PCDHGB4: variants seen among roughly 807,000 people sequenced by gnomAD.
The protein encoded by PCDHGB4 is protocadherin gamma-B4.
Under a neutral mutation model 60.5 loss-of-function variants are expected in PCDHGB4, and 38 were observed. That is an observed-to-expected ratio of 0.63 (90% confidence interval 0.48 to 0.82). The LOEUF is 0.82. PCDHGB4 is among the 40% of genes least tolerant of loss of function. The pLI, the probability that PCDHGB4 is intolerant of heterozygous loss-of-function variation, is 0.00. For synonymous variants in PCDHGB4, 456 were observed against 509.7 expected, an observed-to-expected ratio of 0.89 and a Z score of 1.42; for missense variants, 1,109 against 1,209.6, an observed-to-expected ratio of 0.92 and a Z score of 1.23.
At chr5:141,405,004 G>A in intron 1 of PCDHGB4, 1 of 1,613,960 alleles carries the variant, frequency 6.2e-7, no homozygotes, top group South Asian at 1.1e-5. Flanking sequence ...CTGCAGACCT[G>A]GAGGCCTCAG....
chr5:141,465,800 C>G (rs1486100601), intron 1 of PCDHGB4, among the ~76,000 whole-genome samples: 2 of 151,524 alleles, frequency 1.3e-5, no homozygotes, highest in East Asian at 3.9e-4. Flanking sequence ...TTTAAGAAAC[C>G]CTTCAGGATC....
intron 2 of PCDHGB4, among the ~76,000 whole-genome samples, chr5:141,503,570 G>T (rs996006002): frequency 3.4e-4 from 50 of 147,216 alleles, no homozygotes; most frequent in African/African-American, 1.2e-3. Context: ...CTGTACTCCA[G>T]CCTGGGTGAC....
intron 1 of PCDHGB4, among the ~76,000 whole-genome samples, chr5:141,452,054 C>A (rs578157525): frequency 6.4e-4 from 97 of 152,196 alleles, no homozygotes; most frequent in African/African-American, 2.2e-3. Flanking sequence ...TTTGTAATAA[C>A]TTATTCTACT....
chr5:141,405,177 G>A, intron 1 of PCDHGB4: 3 of 1,614,140 alleles, frequency 1.9e-6, no homozygotes, highest in African/African-American at 1.3e-5. Flanking sequence ...CACTTTGTGG[G>A]TGTAGATGGG....
In PCDHGB4 at chr5:141,415,309, G is replaced by C. The variant is rs199689792; in HGVS notation, c.2397+25028G>C. 3.4e-5 allele frequency: 55 copies of C among 1,614,098 alleles called. No homozygotes were observed. Among genetic ancestry groups the C allele is most frequent in the Middle Eastern group, 1.6e-4 (1 of 6,084 alleles). On this transcript the variant is annotated intron_variant, in intron 1 of 3. Transcript: ENST00000519479. ...GGTCTCCTGCGTCTTCCTGGCCTTC[G>C]TCATCGTGCTGCTGGCGCACAGGCT...
intron 1 of PCDHGB4, chr5:141,419,492 A>G: frequency 6.2e-7 from 1 of 1,612,358 alleles, no homozygotes; most frequent in South Asian, 1.1e-5. Flanking sequence ...GCTCAGCGCC[A>G]ATGTGAGCCT....
chr5:141,486,985 T>C lies in PCDHGB4; in HGVS notation c.2398-7822T>C. On this transcript the variant is annotated intron_variant, in intron 1 of 3. Coordinates refer to ENST00000519479, the MANE Select transcript of PCDHGB4 (RefSeq NM_003736.4). The surrounding 1 kb of genome is among the most constrained non-coding windows in gnomAD (Gnocchi z 5.0). ...TGGACTTGGATTCAGGTTACAATGC[T>C]TGGGTTTCCTATCAGCTCCTGGAGG... 1 of 1,614,208 alleles carries C rather than the reference T, an allele frequency of 6.2e-7. No individual in the cohort carries two copies. The highest frequency in any genetic ancestry group is 8.5e-7 in the Non-Finnish European group (1 of 1,180,040).
intron 2 of PCDHGB4, among the ~76,000 whole-genome samples, chr5:141,499,029 A>G (rs140948405): frequency 1.5e-3 from 205 of 140,068 alleles, no homozygotes; most frequent in African/African-American, 5.5e-3. Context: ...AGGAAGGAAG[A>G]AAAGAAAGAA....
At chr5:141,506,241 G>C (rs2237081) in intron 3 of PCDHGB4, among the ~76,000 whole-genome samples, 78,081 of 151,504 alleles carry the variant, frequency 0.52, 20,775 homozygotes, top group African/African-American at 0.63. Context: ...ATGAGGTCAG[G>C]AGTTCGAAAC....
intron 1 of PCDHGB4, among the ~76,000 whole-genome samples, chr5:141,443,191 A>G (rs2098371862): frequency 6.6e-6 from 1 of 152,122 alleles, no homozygotes; most frequent in Non-Finnish European, 1.5e-5. Flanking sequence ...CATTCTCTAT[A>G]GTACAAAGAG....
At chr5:141,399,933 C>T in intron 1 of PCDHGB4, 5 of 1,612,358 alleles carry the variant, frequency 3.1e-6, no homozygotes, top group Non-Finnish European at 1.7e-6. Context: ...GGCTGTCCTA[C>T]CACGTGCTGC....
At chr5:141,410,697 T>G in intron 1 of PCDHGB4, 1 of 1,489,152 alleles carries the variant, frequency 6.7e-7, no homozygotes, top group Non-Finnish European at 9.0e-7. Context: ...TACTTTATTT[T>G]CATATCTAGA....
At chr5:141,395,102 G>A (rs766050798) in intron 1 of PCDHGB4, 2 of 1,614,172 alleles carry the variant, frequency 1.2e-6, no homozygotes, top group East Asian at 2.2e-5. Flanking sequence ...CCGCCGACTC[G>A]CGGAAGAGTC....
At chr5:141,409,097 G>C in intron 1 of PCDHGB4, 1 of 1,613,958 alleles carries the variant, frequency 6.2e-7, no homozygotes, top group Non-Finnish European at 8.5e-7. Context: ...TGAGAAAACA[G>C]GTATGATTAA....
intron 1 of PCDHGB4, chr5:141,398,633 A>G: frequency 6.2e-7 from 1 of 1,614,064 alleles, no homozygotes; most frequent in Non-Finnish European, 8.5e-7. Flanking sequence ...TCTCTGCAGA[A>G]GTATAAACTC....
Position 141,510,960 on chromosome 5 carries a change from G to T in PCDHGB4, c.2559G>T (p.Gly853=). The T allele has an allele frequency of 6.2e-7, 1 of 1,614,120 alleles. No individual in the cohort carries two copies. The highest frequency in any genetic ancestry group is 1.3e-5 in the African/African-American group (1 of 75,022). ...ILASASEAAD[G]SSTLGGGAGT... is the part of the protein sequence containing the mutation. ...CTGTCTCTGCAGAAGCTGCTGATGG[G>T]AGCTCCACCCTGGGAGGGGGTGCCG... Residue 853 remains glycine, a synonymous_variant, in exon 4 of 4, where the codon GGG becomes GGT. Transcript: ENST00000519479.
At chr5:141,484,075 C>G (rs1397285710) in intron 1 of PCDHGB4, among the ~76,000 whole-genome samples, 2 of 152,084 alleles carry the variant, frequency 1.3e-5, no homozygotes, top group African/African-American at 4.8e-5. Context: ...AAAGCTTGCT[C>G]TTTTGAAATG....
At chr5:141,475,762 G>A (rs4151701) in intron 1 of PCDHGB4, among the ~76,000 whole-genome samples, 9,255 of 152,346 alleles carry the variant, frequency 0.061, 562 homozygotes, top group African/African-American at 0.16. Context: ...CACCGATACT[G>A]GCAAGGCGCT....
chr5:141,432,949 CG>C lies in PCDHGB4; in HGVS notation c.2397+42670del, dbSNP rs930064840. 6.2e-7 allele frequency: 1 copy of C among 1,614,066 alleles called. No individual in the cohort carries two copies. Among genetic ancestry groups the C allele is most frequent in the African/African-American group, 1.3e-5 (1 of 74,930 alleles). ...CACGCCTGCTGCAGGCTTCAGGAGG[CG>C]GCTTGACAGGAGCGCCGGCGTCGCA... On this transcript the variant is annotated intron_variant, in intron 1 of 3. Transcript: ENST00000519479. This position sits in a 1 kb window ranked among gnomAD's most constrained non-coding sequence, Gnocchi z 6.0.
Sources: gnomAD v4.1 joint callset for allele counts (sites outside exome capture counted in the v4.1 genomes callset) on GRCh38, gnomAD v4.1.1 for gene constraint, Gnocchi (gnomAD v3.1) non-coding constraint, MANE v1.5 for transcripts, NCBI Gene and HGNC (gene_info 2026-07-23, HGNC 2026-07-21) for gene names.